Variants in RBL2 observed in about 807,000 individuals in gnomAD.
RBL2 encodes retinoblastoma-like protein 2.
Under a neutral mutation model 126.0 loss-of-function variants are expected in RBL2, and 56 were observed. That is an observed-to-expected ratio of 0.44 (90% CI 0.36 to 0.56). RBL2 has a LOEUF of 0.56. Ranked by LOEUF, RBL2 falls within the 20% of genes least tolerant of loss-of-function variation. The pLI is 0.00. For synonymous variants in RBL2, 454 were observed against 478.5 expected, an observed-to-expected ratio of 0.95 and a Z score of 0.67; for missense variants, 1,229 against 1,398.2, an observed-to-expected ratio of 0.88 and a Z score of 1.93.
At chr16:53,452,719 T>A (rs1228433929) in intron 5 of RBL2, among the ~76,000 whole-genome samples, 1 of 152,138 alleles carries the variant, frequency 6.6e-6, no homozygotes, top group Non-Finnish European at 1.5e-5. Flanking sequence ...CAGGCTGGGA[T>A]GCAGTGGTGC....
intron 2 of RBL2, 34 bp downstream of exon 2, chr16:53,439,180 G>T: frequency 6.7e-7 from 1 of 1,500,594 alleles, no homozygotes; most frequent in South Asian, 1.4e-5. Context: ...GTAGAGTATG[G>T]CTAATGTAAG....
At chr16:53,460,376 C>T (rs575092927) in intron 9 of RBL2, among the ~76,000 whole-genome samples, 70 of 152,328 alleles carry the variant, frequency 4.6e-4, no homozygotes, top group Non-Finnish European at 7.5e-4. Context: ...AGCCAGGCTT[C>T]TTAAATGCCA....
intron 4 of RBL2, 36 bp downstream of exon 4, chr16:53,447,142 GTC>G (rs1305713586): frequency 3.6e-6 from 4 of 1,119,696 alleles, no homozygotes; most frequent in Non-Finnish European, 5.2e-6. Flanking sequence ...GATTTAATAT[GTC>G]TATTTACATT....
intron 21 of RBL2, chr16:53,487,476 T>C (rs931329352): frequency 2.6e-5 from 4 of 152,206 alleles, no homozygotes; most frequent in Non-Finnish European, 4.4e-5. Context: ...GCTGGAACAA[T>C]TGGATGTGCA....
chr16:53,469,492 A>T (rs1349827678), intron 14 of RBL2, among the ~76,000 whole-genome samples: 1 of 152,222 alleles, frequency 6.6e-6, no homozygotes, highest in Non-Finnish European at 1.5e-5. Context: ...CTTATCAAGT[A>T]GTGGCTCTGT....
intron 21 of RBL2, among the ~76,000 whole-genome samples, chr16:53,482,879 A>C (rs146200520): frequency 3.7e-4 from 56 of 152,146 alleles, no homozygotes; most frequent in Non-Finnish European, 6.6e-4. Flanking sequence ...CTTCAAAAAA[A>C]GGTCAGTATG....
intron 17 of RBL2, among the ~76,000 whole-genome samples, chr16:53,472,677 C>T (rs148877068): frequency 1.8e-4 from 28 of 152,156 alleles, no homozygotes; most frequent in Non-Finnish European, 3.2e-4. Flanking sequence ...TTCTCCCATT[C>T]GGTGTATCTT....
intron 3 of RBL2, among the ~76,000 whole-genome samples, chr16:53,444,139 C>T (rs2058040624): frequency 6.6e-6 from 1 of 151,586 alleles, no homozygotes; most frequent in East Asian, 1.9e-4. Flanking sequence ...ATCCCAGCTA[C>T]TCGGGAGGCT....
intron 1 of RBL2, chr16:53,435,534 A>G: frequency 8.4e-7 from 1 of 1,187,572 alleles, no homozygotes; most frequent in Non-Finnish European, 1.1e-6. Context: ...CAGATGAGAA[A>G]AATGGCCATT....
At chr16:53,438,730 G>C (rs1189024113) in intron 1 of RBL2, among the ~76,000 whole-genome samples, 1 of 150,916 alleles carries the variant, frequency 6.6e-6, no homozygotes, top group African/African-American at 2.4e-5. Context: ...TGTAGTCCCA[G>C]CTACTTGGGA....
At position 53,439,146 on chromosome 16, in the gene RBL2, G is replaced by A; in HGVS notation, c.371G>A (p.Ser124Asn). ...AGAATCCTGAAATGTTCAGAGCAGA[G>A]GTAACTATGTTAGAGTTTGACAAGT... is the stretch of plus-strand genomic sequence containing the variant. ...LTRILKCSEQSLIEFFNKMKK... is the reference protein window; with the variant it reads ...LTRILKCSEQNLIEFFNKMKK... The change falls in exon 2 of 22, where the codon AGC becomes AAC. Residue 124 changes from serine to asparagine, a missense_variant and splice_region_variant. Physicochemically the swap from Ser to Asn is conservative, Grantham distance 46. Around this residue, in one of 2 missense-constraint regions of RBL2, gnomAD observed 1,070 missense variants for 1,274.3 expected, o/e 0.84. Transcript: ENST00000262133. 6.3e-7 allele frequency: 1 copy of A among 1,586,584 alleles called. No homozygotes were observed. Among genetic ancestry groups the A allele is most frequent in the Non-Finnish European group, 8.6e-7 (1 of 1,168,834 alleles).
At chr16:53,482,502 A>G (rs1040781505) in intron 21 of RBL2, among the ~76,000 whole-genome samples, 9 of 152,118 alleles carry the variant, frequency 5.9e-5, no homozygotes, top group African/African-American at 2.2e-4. Context: ...ACATAATGAG[A>G]TTTTTATTGA....
At chr16:53,441,841 A>T (rs918531815) in intron 2 of RBL2, among the ~76,000 whole-genome samples, 1 of 151,916 alleles carries the variant, frequency 6.6e-6, no homozygotes, top group African/African-American at 2.4e-5. Flanking sequence ...TTCTTTTTTG[A>T]GACAGAGTCT....
At chr16:53,471,167 GT>G (rs1325848207) in intron 17 of RBL2, among the ~76,000 whole-genome samples, 1 of 152,058 alleles carries the variant, frequency 6.6e-6, no homozygotes, top group Non-Finnish European at 1.5e-5. Flanking sequence ...TATTTTAGTT[GT>G]TTCTACTTTT....
chr16:53,479,776 A>G (rs557997931), intron 18 of RBL2, 110 bp from the exon 19 acceptor site: 14 of 664,316 alleles, frequency 2.1e-5, no homozygotes, highest in African/African-American at 2.0e-4. Context: ...GAGGACAACT[A>G]TTGCTATACA....
rs1191883782 is a variant in RBL2 at position 53,467,101 on chromosome 16, T to C, written c.1907T>C (p.Ile636Thr). 11 of 1,614,078 alleles carry C rather than the reference T, an allele frequency of 6.8e-6. No individual in the cohort carries two copies. Among genetic ancestry groups the C allele is most frequent in the Non-Finnish European group, 9.3e-6 (11 of 1,179,988 alleles). The change falls in exon 14 of 22, where the codon ATT becomes ACT. Residue 636 changes from isoleucine (I) to threonine (T), a missense_variant. Transcript: ENST00000262133. ...QNLERADEICIAGSPLTPRRV... is the reference protein window; with the variant it reads ...QNLERADEICTAGSPLTPRRV... The stretch of plus-strand genomic sequence containing the variant: ...CTGGAAAGGGCAGATGAAATTTGCA[T>C]TGCTGGCTCCCCTTTGACTCCCAGA...
chr16:53,475,788 G>A (rs1019840753), intron 17 of RBL2, among the ~76,000 whole-genome samples: 3 of 141,204 alleles, frequency 2.1e-5, no homozygotes, highest in African/African-American at 7.9e-5. Flanking sequence ...AATCCTTTAC[G>A]TAGATATCAG....
chr16:53,453,766 G>C lies in RBL2; in HGVS notation c.989G>C (p.Ser330Thr). 2 of 1,599,002 alleles carry C rather than the reference G, an allele frequency of 1.3e-6. No homozygotes were observed. The highest frequency in any genetic ancestry group is 1.7e-6 in the Non-Finnish European group (2 of 1,170,460). The stretch of plus-strand genomic sequence containing the variant: ...CTAGAACCTGGGAACTTTGGAGAGA[G>C]TTTGTGAGTACTTCTGTATAAAATG... ...GFLEPGNFGESFKAINKAYEE... is the reference protein window; with the variant it reads ...GFLEPGNFGETFKAINKAYEE... Residue 330 changes from serine (S) to threonine (T), a missense_variant, in exon 7 of 22, where the codon AGT becomes ACT. Ser to Thr is a moderately conservative substitution (Grantham distance 58). Coordinates refer to ENST00000262133, the MANE Select transcript of RBL2 (RefSeq NM_005611.4).
At position 53,453,400 on chromosome 16, in the gene RBL2, A is replaced by G. The variant is rs369930145; in HGVS notation, c.767-52A>G. ...ATGTTTTACATTTTAGTTTATTACA[A>G]ATTGGCTTATTGTGTGCTGATATCT... On this transcript the variant is annotated intron_variant, in intron 5 of 21. Transcript: ENST00000262133. 5.3e-5 allele frequency: 80 copies of G among 1,500,230 alleles called. No homozygotes were observed. In the East Asian group the frequency reaches 1.1e-3, roughly 20 times the overall value. The allele number at this position is 1,500,230 out of a possible 1,614,324, so 92.9% of individuals were successfully genotyped here. A position where few individuals can be genotyped will look rare whatever the true frequency, so the allele number is the denominator to read the frequency against.
Sources: allele counts gnomAD v4.1 joint callset (sites outside exome capture counted in the v4.1 genomes callset), GRCh38; gene constraint gnomAD v4.1.1; regional missense constraint gnomAD v4.1.1; transcripts MANE v1.5; gene names NCBI Gene and HGNC (gene_info 2026-07-23, HGNC 2026-07-21).